Variants in GRM1 observed in about 807,000 individuals in gnomAD.
GRM1 encodes metabotropic glutamate receptor 1.
In GRM1, 33 loss-of-function variants were observed where a neutral mutation model predicts 90.9. The ratio of observed to expected loss-of-function variants is 0.36; its 90% CI spans 0.28 to 0.49. The LOEUF (loss-of-function observed/expected upper bound fraction) is 0.49. Among genes scored for constraint, GRM1 ranks in the 20% least tolerant of loss-of-function variants. GRM1 has a pLI of 0.99. For synonymous variants in GRM1, 700 were observed against 613.2 expected (o/e 1.14, Z -2.09); for missense variants, 1,190 against 1,534.3 (o/e 0.78, Z 3.75).
At chr6:146,227,473 G>T (rs1307602707) in intron 2 of GRM1, among the ~76,000 whole-genome samples, 1 of 152,092 alleles carries the variant, frequency 6.6e-6, no homozygotes, top group African/African-American at 2.4e-5. Flanking sequence ...CAGAATAGTT[G>T]CATAGCAATA....
chr6:146,326,849 A>G, intron 3 of GRM1, among the ~76,000 whole-genome samples: 1 of 152,224 alleles, frequency 6.6e-6, no homozygotes, highest in South Asian at 2.1e-4. Context: ...AAATCCTGAC[A>G]ATATGACTAG....
intron 1 of GRM1, among the ~76,000 whole-genome samples, chr6:146,084,709 T>C (rs1338953684): frequency 6.6e-6 from 1 of 152,178 alleles, no homozygotes; most frequent in African/African-American, 2.4e-5. Flanking sequence ...AGAATGCATA[T>C]TCTGTTGATT....
chr6:146,155,113 A>G (rs1001524615), intron 1 of GRM1, among the ~76,000 whole-genome samples: 3 of 152,194 alleles, frequency 2.0e-5, no homozygotes, highest in Non-Finnish European at 4.4e-5. Context: ...AAAAAGCCAT[A>G]AGAATATTTT....
chr6:146,266,470 A>G (rs890832497), intron 2 of GRM1, among the ~76,000 whole-genome samples: 3 of 152,096 alleles, frequency 2.0e-5, no homozygotes, highest in African/African-American at 7.2e-5. Flanking sequence ...TATTTTGACC[A>G]CTAGAATTAA....
chr6:146,173,381 C>T (rs1778208532), intron 2 of GRM1, among the ~76,000 whole-genome samples: 1 of 133,342 alleles, frequency 7.5e-6, no homozygotes, highest in East Asian at 2.1e-4. Context: ...AAGAGTGAAA[C>T]TCTGTCTCAA....
intron 1 of GRM1, among the ~76,000 whole-genome samples, chr6:146,138,189 C>G (rs1266069280): frequency 2.0e-5 from 3 of 151,850 alleles, no homozygotes; most frequent in Non-Finnish European, 2.9e-5. Context: ...ACTTTCAGTA[C>G]TATGTTAAAT....
Position 146,251,841 on chromosome 6 carries a change from T to C in GRM1, c.951-52770T>C, listed in dbSNP as rs572760992. On this transcript the variant is annotated intron_variant, in intron 2 of 7. Transcript: ENST00000282753. ...TTTCAACCTTGAATCAATTACTCTTTCTTGATTTTGCCCAGCACATTCTTA... is the reference window on the plus strand; with the variant it reads ...TTTCAACCTTGAATCAATTACTCTTCCTTGATTTTGCCCAGCACATTCTTA... Among the ~76,000 whole-genome samples, 28 of 152,302 alleles carry C rather than the reference T, an allele frequency of 1.8e-4. No individual in the cohort carries two copies. The Middle Eastern group carries it at 0.02, about 111-fold the overall frequency.
chr6:146,340,188 C>T (rs1784919933), intron 3 of GRM1, among the ~76,000 whole-genome samples: 1 of 152,136 alleles, frequency 6.6e-6, no homozygotes, highest in Non-Finnish European at 1.5e-5. Context: ...TGACCTAGCC[C>T]ATAGAAGAAT....
rs765139975 is a variant in GRM1 at position 146,349,149 on chromosome 6, C to T, written c.1187-3101C>T. On this transcript the variant is annotated intron_variant, in intron 3 of 7. Transcript: ENST00000282753. Reference sequence around the variant, plus strand: ...TGGCGCGATCTCGGCTCACTACAAGCTCCACCTCCCGGGTTCACGCCATTC... The same window carrying T: ...TGGCGCGATCTCGGCTCACTACAAGTTCCACCTCCCGGGTTCACGCCATTC... 1.1e-3 allele frequency among the ~76,000 whole-genome samples: 160 copies of T among 150,596 alleles called. 2 individuals carry two copies. Among genetic ancestry groups the T allele is most frequent in the Non-Finnish European group, 1.5e-4 (10 of 67,706 alleles).
At chr6:146,158,270 C>T (rs1562498695) in intron 1 of GRM1, among the ~76,000 whole-genome samples, 1 of 151,950 alleles carries the variant, frequency 6.6e-6, no homozygotes, top group Non-Finnish European at 1.5e-5. Context: ...GAAATCTAAG[C>T]TGGGCTAAGA....
At chr6:146,187,085 A>G (rs1338816193) in intron 2 of GRM1, among the ~76,000 whole-genome samples, 5 of 152,188 alleles carry the variant, frequency 3.3e-5, no homozygotes, top group Non-Finnish European at 7.4e-5. Flanking sequence ...AATATCGGTT[A>G]TCAGCATTAA....
Position 146,128,961 on chromosome 6 carries a change from C to T in GRM1, c.701-30387C>T, listed in dbSNP as rs544002154. 3.9e-5 allele frequency among the ~76,000 whole-genome samples: 6 copies of T among 152,146 alleles called. No homozygotes were observed. The South Asian group carries it at 1.2e-3, about 32-fold the overall frequency. ...ACATGACCCAACTCGCTTTTGTATTCCTAGAGTCTTTAGATGTGGTTTCCA... is the reference window on the plus strand; with the variant it reads ...ACATGACCCAACTCGCTTTTGTATTTCTAGAGTCTTTAGATGTGGTTTCCA... On this transcript the variant is annotated intron_variant, in intron 1 of 7. Coordinates refer to ENST00000282753, the MANE Select transcript of GRM1 (RefSeq NM_001278064.2).
chr6:146,157,782 G>T (rs1391707131), intron 1 of GRM1, among the ~76,000 whole-genome samples: 1 of 152,082 alleles, frequency 6.6e-6, no homozygotes, highest in Non-Finnish European at 1.5e-5. Flanking sequence ...CAGAAAGATT[G>T]ATAGATAATA....
intron 2 of GRM1, among the ~76,000 whole-genome samples, chr6:146,223,745 G>A (rs538948807): frequency 6.6e-6 from 1 of 152,132 alleles, no homozygotes; most frequent in Admixed American, 6.6e-5. Context: ...ATGTGCTATA[G>A]TAAAAGAAAT....
intron 2 of GRM1, among the ~76,000 whole-genome samples, chr6:146,161,669 T>C (rs1037581768): frequency 2.0e-5 from 3 of 152,212 alleles, no homozygotes; most frequent in Admixed American, 6.5e-5. Flanking sequence ...CATGGAATCA[T>C]TGAGATGACA....
chr6:146,239,036 G>A (rs1010746300), intron 2 of GRM1, among the ~76,000 whole-genome samples: 1 of 152,098 alleles, frequency 6.6e-6, no homozygotes, highest in Non-Finnish European at 1.5e-5. Context: ...TTCTAAGTTT[G>A]ACTCCAGAGA....
intron 6 of GRM1, among the ~76,000 whole-genome samples, chr6:146,391,462 T>C (rs1486233663): frequency 1.3e-5 from 2 of 152,104 alleles, no homozygotes; most frequent in Non-Finnish European, 2.9e-5. Context: ...TTTTGAGTTC[T>C]GAGGTTAGGT....
chr6:146,374,685 C>T (rs1302548602), intron 5 of GRM1, among the ~76,000 whole-genome samples: 3 of 152,040 alleles, frequency 2.0e-5, no homozygotes, highest in South Asian at 4.2e-4. Context: ...AGTAATGATC[C>T]TTTGAATTTC....
Position 146,342,662 on chromosome 6 carries a change from A to G in GRM1, c.1187-9588A>G, listed in dbSNP as rs550812352. Among the ~76,000 whole-genome samples the G allele has an allele frequency of 4.6e-5, 7 of 152,358 alleles. No individual in the cohort carries two copies. In the East Asian group the frequency reaches 1.2e-3, roughly 25 times the overall value. On this transcript the variant is annotated intron_variant, in intron 3 of 7. Coordinates refer to ENST00000282753, the MANE Select transcript of GRM1 (RefSeq NM_001278064.2). ...CGTTTCATAAGTCCTTGTGAGATGA[A>G]TAGAACAGCACATGTAAAGCACCTA... is the stretch of plus-strand genomic sequence containing the variant.
Sources: allele counts gnomAD v4.1 joint callset (sites outside exome capture counted in the v4.1 genomes callset), GRCh38; gene constraint gnomAD v4.1.1; transcripts MANE v1.5; gene names NCBI Gene and HGNC (gene_info 2026-07-23, HGNC 2026-07-21).